The following CCBE1 variants were observed in gnomAD, a reference collection of about 807,000 sequenced individuals.
CCBE1 encodes the protein collagen and calcium binding EGF domains 1.
A neutral mutation model predicts 50.0 loss-of-function variants in CCBE1; 37 were observed. The ratio of observed to expected loss-of-function variants is 0.74; its 90% CI spans 0.57 to 0.97. The LOEUF (loss-of-function observed/expected upper bound fraction) is 0.97. Among genes scored for constraint, CCBE1 ranks in the 50% least tolerant of loss-of-function variants. The pLI is 0.00. For synonymous variants in CCBE1, 234 were observed against 203.7 expected (o/e 1.15, Z -1.27); for missense variants, 538 against 523.8 (o/e 1.03, Z -0.26).
chr18:59,491,343 T>C (rs1216767098), intron 2 of CCBE1, among the ~76,000 whole-genome samples: 1 of 152,174 alleles, frequency 6.6e-6, no homozygotes, highest in Non-Finnish European at 1.5e-5. Flanking sequence ...CCTCACAGGG[T>C]GGATCCATTT....
chr18:59,529,261 T>C (rs1215871637), intron 2 of CCBE1, among the ~76,000 whole-genome samples: 1 of 152,066 alleles, frequency 6.6e-6, no homozygotes, highest in East Asian at 2.0e-4. Context: ...CTGCCACAGC[T>C]GCTGTGCTGT....
chr18:59,574,857 T>C (rs2144494725), intron 2 of CCBE1, among the ~76,000 whole-genome samples: 1 of 152,258 alleles, frequency 6.6e-6, no homozygotes, highest in East Asian at 1.9e-4. Context: ...CTAAAATTCA[T>C]ATATGTGGAA....
intron 2 of CCBE1, among the ~76,000 whole-genome samples, chr18:59,681,958 C>A (rs944434517): frequency 1.3e-5 from 2 of 152,170 alleles, no homozygotes; most frequent in African/African-American, 2.4e-5. Flanking sequence ...GACGGTCAGA[C>A]CTGGAAGGAA....
intron 6 of CCBE1, among the ~76,000 whole-genome samples, chr18:59,452,072 A>C (rs986544904): frequency 1.3e-5 from 2 of 152,238 alleles, no homozygotes; most frequent in African/African-American, 4.8e-5. Flanking sequence ...TGTTGCCTGC[A>C]GACTGCCGGA....
At chr18:59,607,703 G>A (rs1032858787) in intron 2 of CCBE1, among the ~76,000 whole-genome samples, 16 of 152,150 alleles carry the variant, frequency 1.1e-4, no homozygotes, top group Non-Finnish European at 1.0e-4. Flanking sequence ...ACTCAACCAA[G>A]GTTCAAATCG....
Position 59,697,076 on chromosome 18 carries a change from C to A in CCBE1, c.131+136G>T, listed in dbSNP as rs967516753. ...GGAAGTGTCGCCCAGGACAGCTGAG[C>A]ACTCTCCTTATCCCCGGAGAAGTGA... On this transcript the variant is annotated intron_variant, in intron 1 of 10. Transcript: ENST00000439986. The A allele has an allele frequency of 1.4e-4, 175 of 1,212,648 alleles. 2 individuals carry two copies. The South Asian group carries it at 2.4e-3, about 17-fold the overall frequency. 75.1% of individuals were successfully genotyped at this position (1,212,648 alleles called of 1,614,324 possible).
chr18:59,436,726 TG>T (rs1910174248), intron 10 of CCBE1, among the ~76,000 whole-genome samples: 1 of 152,200 alleles, frequency 6.6e-6, no homozygotes, highest in Non-Finnish European at 1.5e-5. Context: ...CCTAGCACTT[TG>T]GGAGGCCGAG....
intron 2 of CCBE1, among the ~76,000 whole-genome samples, chr18:59,527,737 T>C (rs1598981371): frequency 6.6e-6 from 1 of 152,298 alleles, no homozygotes. Context: ...CTCCTTCCAG[T>C]ATGAAGCTTA....
chr18:59,636,674 C>G (rs2053921101), intron 2 of CCBE1, among the ~76,000 whole-genome samples: 1 of 152,184 alleles, frequency 6.6e-6, no homozygotes, highest in African/African-American at 2.4e-5. Context: ...TGTTTACCAA[C>G]AGATCCTCAC....
At chr18:59,475,477 C>T (rs892976055) in intron 3 of CCBE1, among the ~76,000 whole-genome samples, 6 of 152,210 alleles carry the variant, frequency 3.9e-5, no homozygotes, top group Non-Finnish European at 7.3e-5. Flanking sequence ...TTCTCTTTTT[C>T]TTCACCCCTT....
chr18:59,653,077 T>C (rs2054146590), intron 2 of CCBE1, among the ~76,000 whole-genome samples: 1 of 152,210 alleles, frequency 6.6e-6, no homozygotes, highest in Non-Finnish European at 1.5e-5. Flanking sequence ...TTCTAAACAT[T>C]TCACTTCTCA....
chr18:59,640,582 A>T (rs2053973772), intron 2 of CCBE1, among the ~76,000 whole-genome samples: 1 of 152,226 alleles, frequency 6.6e-6, no homozygotes, highest in Non-Finnish European at 1.5e-5. Flanking sequence ...GAAAGACTAC[A>T]TGAGAAAGAT....
intron 5 of CCBE1, 40 bp downstream of exon 5, chr18:59,466,699 A>G (rs768759935): frequency 2.7e-6 from 4 of 1,508,532 alleles, no homozygotes; most frequent in Admixed American, 1.7e-5. Context: ...AATATATAAA[A>G]ATATGTAATT....
chr18:59,558,722 G>A (rs937250486), intron 2 of CCBE1, among the ~76,000 whole-genome samples: 22 of 152,158 alleles, frequency 1.4e-4, no homozygotes, highest in Admixed American at 6.5e-5. Context: ...GAAGGAGCCA[G>A]GATACAGCTT....
chr18:59,653,194 A>G (rs12606960), intron 2 of CCBE1, among the ~76,000 whole-genome samples: 140,103 of 152,156 alleles, frequency 0.92, 64,539 homozygotes, highest in East Asian at 0.98. Context: ...CTCTCCAAGA[A>G]GGACATTGTC....
intron 2 of CCBE1, among the ~76,000 whole-genome samples, chr18:59,542,283 T>TGCTAGTACTA (rs151135616): frequency 2.6e-5 from 4 of 151,800 alleles, no homozygotes; most frequent in Non-Finnish European, 2.9e-5. Context: ...GAAATCTTAA[T>TGCTAGTACTA]AAATTCTTGA....
chr18:59,595,235 T>C (rs1026538852), intron 2 of CCBE1, among the ~76,000 whole-genome samples: 1 of 151,938 alleles, frequency 6.6e-6, no homozygotes, highest in African/African-American at 2.4e-5. Context: ...TTTTTTTTTT[T>C]TTTCTTGACA....
chr18:59,593,800 T>C (rs2053308781), intron 2 of CCBE1, among the ~76,000 whole-genome samples: 1 of 152,242 alleles, frequency 6.6e-6, no homozygotes, highest in Admixed American at 6.5e-5. Flanking sequence ...TTGTAACTGA[T>C]TAAGTCTGGG....
intron 2 of CCBE1, among the ~76,000 whole-genome samples, chr18:59,571,391 A>G (rs931752627): frequency 1.7e-4 from 26 of 148,686 alleles, no homozygotes; most frequent in African/African-American, 4.7e-4. Flanking sequence ...AAAACCAAAC[A>G]CCGCATGTTC....
Sources: gnomAD v4.1 joint callset for allele counts (sites outside exome capture counted in the v4.1 genomes callset) on GRCh38, gnomAD v4.1.1 for gene constraint, MANE v1.5 for transcripts, NCBI Gene and HGNC (gene_info 2026-07-23, HGNC 2026-07-21) for gene names.